Variants in TMEM177 observed in about 807,000 individuals in gnomAD.
TMEM177 encodes transmembrane protein 177.
Under a neutral mutation model 14.2 loss-of-function variants are expected in TMEM177, and 4 were observed. The ratio of observed to expected loss-of-function variants is 0.28; its 90% CI spans 0.14 to 0.64. TMEM177 has a LOEUF of 0.64. TMEM177 is among the 30% of genes least tolerant of loss of function. TMEM177 has a pLI of 0.82. For missense variants in TMEM177, 344 were observed against 405.2 expected (o/e 0.85, Z 1.30); for synonymous variants, 179 against 174.5 (o/e 1.03, Z -0.20).
chr2:119,718,002 C>T, the TMEM177 span, among the ~76,000 whole-genome samples: 2 of 152,104 alleles, frequency 1.3e-5, no homozygotes, highest in South Asian at 4.1e-4. Flanking sequence ...GTCCCTTCTC[C>T]GAGCTGGTTC....
chr2:119,688,394 A>C (rs567994953), downstream of TMEM177, among the ~76,000 whole-genome samples: 30 of 152,306 alleles, frequency 2.0e-4, no homozygotes, highest in Middle Eastern at 0.01. Context: ...ATGCCTTGGA[A>C]GGCAATTCCA....
At chr2:119,687,044 G>A (rs1481107967), downstream of TMEM177, among the ~76,000 whole-genome samples, 2 of 152,058 alleles carry the variant, frequency 1.3e-5, no homozygotes, top group African/African-American at 2.4e-5. Flanking sequence ...GCTCCTCTTG[G>A]TTCTAAACAA....
At chr2:119,709,700 C>A in the TMEM177 span, among the ~76,000 whole-genome samples, 1 of 151,564 alleles carries the variant, frequency 6.6e-6, no homozygotes, top group African/African-American at 2.4e-5. Flanking sequence ...TGGTGGGCGC[C>A]TGTAGTCCCA....
downstream of TMEM177, among the ~76,000 whole-genome samples, chr2:119,689,861 T>G (rs1365450643): frequency 6.6e-6 from 1 of 152,222 alleles, no homozygotes; most frequent in African/African-American, 2.4e-5. Flanking sequence ...GGAATATTAT[T>G]ACTATTATAA....
At position 119,681,133 on chromosome 2, in the gene TMEM177, G is replaced by A. The variant is rs920542019; in HGVS notation, c.280G>A (p.Gly94Ser). The change falls in exon 2 of 2, where the codon GGC becomes AGC. Residue 94 changes from glycine (G) to serine (S), a missense_variant. Transcript: ENST00000272521. ...TTFTFQPVSAGFPRLPAGAVV... is the reference protein window; with the variant it reads ...TTFTFQPVSASFPRLPAGAVV... ...CTTCACCTTCCAACCTGTGAGTGCA[G>A]GCTTCCCAAGACTCCCTGCTGGGGC... The A allele has an allele frequency of 6.2e-7, 1 of 1,614,246 alleles. No individual in the cohort carries two copies. The highest frequency in any genetic ancestry group is 8.5e-7 in the Non-Finnish European group (1 of 1,180,040).
At chr2:119,697,839 A>T in the TMEM177 span, among the ~76,000 whole-genome samples, 3 of 152,182 alleles carry the variant, frequency 2.0e-5, no homozygotes, top group Non-Finnish European at 4.4e-5. Flanking sequence ...AGGCATGCAA[A>T]TGTATGAATG....
chr2:119,695,259 C>A, the TMEM177 span, among the ~76,000 whole-genome samples: 1 of 152,212 alleles, frequency 6.6e-6, no homozygotes, highest in African/African-American at 2.4e-5. Flanking sequence ...TATCCCTCCC[C>A]CACCTTTCAC....
chr2:119,699,149 A>T, the TMEM177 span: 1 of 154,874 alleles, frequency 6.5e-6, no homozygotes, highest in African/African-American at 2.4e-5. Context: ...ACTGCCCCAG[A>T]CTCGGTAATT....
chr2:119,694,151 C>G, the TMEM177 span, among the ~76,000 whole-genome samples: 2 of 68,610 alleles, frequency 2.9e-5, no homozygotes, highest in Non-Finnish European at 6.3e-5. Context: ...ACGTACCACA[C>G]ACATGCAACG....
At chr2:119,680,516 A>G (rs1406615664) in intron 1 of TMEM177, among the ~76,000 whole-genome samples, 1 of 152,206 alleles carries the variant, frequency 6.6e-6, no homozygotes, top group Non-Finnish European at 1.5e-5. Flanking sequence ...CGATGGGAAT[A>G]AAAGTCATTA....
Position 119,681,407 on chromosome 2 carries a change from T to C in TMEM177, c.554T>C (p.Val185Ala). ...CTGGCAGGGACCTGGGCACTGGGCG[T>C]GGGTGCCAAGTACACCCTGGGGCTC... ...ACLAGTWALG[V>A]GAKYTLGLHA... The change falls in exon 2 of 2, where the codon GTG becomes GCG. Residue 185 changes from valine (V) to alanine (A), a missense_variant. Physicochemically the swap from Val to Ala is moderately conservative, Grantham distance 64. Transcript: ENST00000272521. 6.2e-6 allele frequency: 10 copies of C among 1,613,978 alleles called. No individual in the cohort carries two copies. Among genetic ancestry groups the C allele is most frequent in the Non-Finnish European group, 8.5e-6 (10 of 1,179,928 alleles).
At chr2:119,697,232 C>T in the TMEM177 span, among the ~76,000 whole-genome samples, 2,019 of 152,364 alleles carry the variant, frequency 0.013, 42 homozygotes, top group African/African-American at 0.046. Context: ...CCCGTCTCCA[C>T]ATGTGCCTGC....
downstream of TMEM177, among the ~76,000 whole-genome samples, chr2:119,682,284 C>G (rs1296201487): frequency 6.6e-6 from 1 of 152,166 alleles, no homozygotes; most frequent in Non-Finnish European, 1.5e-5. Context: ...CCTCGCCCAG[C>G]CTCCTTCTTG....
At chr2:119,703,669 G>A in the TMEM177 span, among the ~76,000 whole-genome samples, 33 of 152,144 alleles carry the variant, frequency 2.2e-4, no homozygotes, top group African/African-American at 7.5e-4. Flanking sequence ...CCCATGCTCC[G>A]GATCACCCCG....
At chr2:119,690,383 A>G (rs893590282), downstream of TMEM177, among the ~76,000 whole-genome samples, 2 of 152,206 alleles carry the variant, frequency 1.3e-5, no homozygotes, top group Non-Finnish European at 2.9e-5. Flanking sequence ...ACCATGAGCC[A>G]GTTAAACCTC....
At chr2:119,680,160 A>G (rs1688857279) in intron 1 of TMEM177, among the ~76,000 whole-genome samples, 1 of 152,182 alleles carries the variant, frequency 6.6e-6, no homozygotes, top group African/African-American at 2.4e-5. Flanking sequence ...TATCTTAATT[A>G]TCTCCTTAAA....
At chr2:119,694,251 T>G in the TMEM177 span, among the ~76,000 whole-genome samples, 1 of 142,810 alleles carries the variant, frequency 7.0e-6, no homozygotes, top group African/African-American at 2.6e-5. Context: ...TTACCACACA[T>G]GTGCAACATA....
At chr2:119,686,010 G>C (rs1393715491), downstream of TMEM177, 4 of 329,550 alleles carry the variant, frequency 1.2e-5, no homozygotes, top group Non-Finnish European at 2.2e-5. Context: ...GAAGGGCAGG[G>C]TGTCATGGAG....
At chr2:119,685,625 G>A (rs1454089349), downstream of TMEM177, 4 of 717,014 alleles carry the variant, frequency 5.6e-6, no homozygotes, top group East Asian at 1.1e-4. Context: ...ATTGGGGCAT[G>A]TGGTTGGTAA....
Sources: gnomAD v4.1 joint callset for allele counts (sites outside exome capture counted in the v4.1 genomes callset) on GRCh38, gnomAD v4.1.1 for gene constraint, MANE v1.5 for transcripts, NCBI Gene and HGNC (gene_info 2026-07-23, HGNC 2026-07-21) for gene names.